TDRD6: variants seen among roughly 807,000 people sequenced by gnomAD.
TDRD6 encodes tudor domain containing 6, also known as tudor domain-containing protein 6.
Under a neutral mutation model 157.5 loss-of-function variants are expected in TDRD6, and 186 were observed. The ratio of observed to expected loss-of-function variants is 1.18; its 90% confidence interval spans 1.05 to 1.33. The LOEUF (loss-of-function observed/expected upper bound fraction) is 1.33. TDRD6 is among the 40% of genes most tolerant of loss of function. The pLI is 0.00. For synonymous variants in TDRD6, 1,075 were observed against 945.2 expected (o/e 1.14, Z -2.52); for missense variants, 3,066 against 2,508.0 (o/e 1.22, Z -4.75).
At chr6:46,700,448 T>A (rs1408850263) in intron 3 of TDRD6, among the ~76,000 whole-genome samples, 1 of 152,170 alleles carries the variant, frequency 6.6e-6, no homozygotes, top group African/African-American at 2.4e-5. Flanking sequence ...GACTTTTTTT[T>A]AATGATACAT....
intron 1 of TDRD6, among the ~76,000 whole-genome samples, chr6:46,695,262 T>C (rs2150682415): frequency 6.6e-6 from 1 of 152,262 alleles, no homozygotes; most frequent in South Asian, 2.1e-4. Context: ...TACTATATAG[T>C]TTTAAAAACA....
rs148984469 is a variant in TDRD6, at chr6:46,698,082, C to G, written c.6256C>G (p.Pro2086Ala). ...NGIPKLDKSP[P>A]EKRGLEVMEI ...CATACCCAAATTGGATAAGAGTCCA[C>G]CTGAGGTATGGAATTCTATAAATAG... The change falls in exon 3 of 4, where the codon CCT (proline) becomes GCT (alanine). Residue 2086 changes from proline (P) to alanine (A), a missense_variant. By Grantham distance (27) the Pro-to-Ala change is conservative. Transcript: ENST00000316081. 1.9e-6 allele frequency: 3 copies of G among 1,597,622 alleles called. No homozygotes were observed. In the African/African-American group the frequency reaches 4.0e-5, roughly 21 times the overall value.
chr6:46,692,854 G>C lies in TDRD6; in HGVS notation c.4726G>C (p.Val1576Leu), dbSNP rs1764378149. 1 of 1,613,922 alleles carries C rather than the reference G, an allele frequency of 6.2e-7. No homozygotes were observed. The highest frequency in any genetic ancestry group is 1.1e-5 in the South Asian group (1 of 91,084). Residue 1576 changes from valine (V) to leucine (L), a missense_variant, in exon 1 of 4, where the codon GTA becomes CTA. Physicochemically the swap from Val to Leu is conservative, Grantham distance 32 (BLOSUM62 1). Coordinates refer to ENST00000316081, the MANE Select transcript of TDRD6 (RefSeq NM_001010870.3). ...TCCTTATATTGGAGATCCTTGTATA[G>C]TAAGATACAGAGAAGATGGACATTA... is the stretch of plus-strand genomic sequence containing the variant. ...PCPYIGDPCI[V>L]RYREDGHYYR...
In TDRD6 at chr6:46,691,954, C is replaced by CT; in HGVS notation, c.3829dup (p.Ser1277PhefsTer10). ...GAAAACAGCAAGAGTAGAAGCTACT[C>CT]TTTCAGAGAGAAAAATAGGAGATTC... is the stretch of plus-strand genomic sequence containing the variant. On this transcript the variant is annotated frameshift_variant, in exon 1 of 4. Coordinates refer to ENST00000316081, the MANE Select transcript of TDRD6 (RefSeq NM_001010870.3). LOFTEE classifies it high-confidence loss of function. 1 of 1,613,104 alleles carries CT rather than the reference C, an allele frequency of 6.2e-7. No homozygotes were observed. Among genetic ancestry groups the CT allele is most frequent in the Non-Finnish European group, 8.5e-7 (1 of 1,179,782 alleles).
chr6:46,691,995 G>A lies in TDRD6; in HGVS notation c.3867G>A (p.Leu1289=). 1 of 1,613,888 alleles carries A rather than the reference G, an allele frequency of 6.2e-7. No individual in the cohort carries two copies. The highest frequency in any genetic ancestry group is 1.1e-5 in the South Asian group (1 of 91,044). The change falls in exon 1 of 4, where the codon TTG becomes TTA. Residue 1289 remains leucine, a synonymous_variant. Transcript: ENST00000316081. ...TAGGAGATTCATGTGACAAAGATTT[G>A]CCTCTGAAATTTTGTGAGTTCCCAC... ...RKIGDSCDKD[L]PLKFCEFPQK... is the part of the protein sequence containing the mutation.
chr6:46,682,864 T>TA, the TDRD6 span, among the ~76,000 whole-genome samples: 1 of 151,916 alleles, frequency 6.6e-6, no homozygotes, highest in African/African-American at 2.4e-5. Context: ...GTCCATGGAT[T>TA]AAAAGACTCA....
At chr6:46,681,283 T>G in the TDRD6 span, among the ~76,000 whole-genome samples, 1 of 152,208 alleles carries the variant, frequency 6.6e-6, no homozygotes, top group Non-Finnish European at 1.5e-5. Flanking sequence ...GTCATAATTT[T>G]AAGGATCATC....
the TDRD6 span, among the ~76,000 whole-genome samples, chr6:46,681,306 A>G: frequency 6.6e-6 from 1 of 152,190 alleles, no homozygotes; most frequent in South Asian, 2.1e-4. Flanking sequence ...CATCTGTTTA[A>G]TAGCTATTCC....
At position 46,688,111 on chromosome 6, in the gene TDRD6, C is replaced by A; in HGVS notation, c.-18C>A. ...GGCCCTTAATTTCCGGAAGTGGGGG[C>A]CGCGCCGCGCCGTCAAGATGTGCTC... On this transcript the variant is annotated 5_prime_UTR_variant, in exon 1 of 4. Transcript: ENST00000316081. The A allele has an allele frequency of 1.4e-6, 2 of 1,474,390 alleles. No homozygotes were observed. The highest frequency in any genetic ancestry group is 1.5e-5 in the African/African-American group (1 of 67,778). The allele number at this position is 1,474,390 out of a possible 1,614,324, so 91.3% of individuals were successfully genotyped here.
chr6:46,689,012 A>T lies in TDRD6; in HGVS notation c.884A>T (p.Asp295Val), dbSNP rs375856556. 40 of 1,613,574 alleles carry T rather than the reference A, an allele frequency of 2.5e-5. No individual in the cohort carries two copies. Among genetic ancestry groups the T allele is most frequent in the Non-Finnish European group, 3.4e-5 (40 of 1,179,796 alleles). The stretch of plus-strand genomic sequence containing the variant: ...TACCGGGGTTCCACGGGGACAGGGG[A>T]TGAGAACTCTACCAGTGCCACCTGG... ...QVYRGSTGTG[D>V]ENSTSATWEE... The change falls in exon 1 of 4, where the codon GAT becomes GTT. Residue 295 changes from aspartate to valine, a missense_variant. Coordinates refer to ENST00000316081, the MANE Select transcript of TDRD6 (RefSeq NM_001010870.3).
Position 46,703,719 on chromosome 6 carries a change from T to C in TDRD6, c.*1832T>C, listed in dbSNP as rs1195391798. The C allele has an allele frequency of 6.6e-6, 1 of 152,070 alleles. No individual in the cohort carries two copies. The allele number at this position is 152,070 out of a possible 1,614,324, so 9.4% of individuals were successfully genotyped here. ...TTCTGTTTTACTACTACATATAGAA[T>C]TGAAAACATTAAATAAAATTAACTG... is the stretch of plus-strand genomic sequence containing the variant. On this transcript the variant is annotated 3_prime_UTR_variant, in exon 4 of 4. Coordinates refer to ENST00000316081, the MANE Select transcript of TDRD6 (RefSeq NM_001010870.3).
rs1405009082 is a variant in TDRD6 at position 46,689,580 on chromosome 6, GATGA to G, written c.1456_1459del (p.Asn486ProfsTer7). 1 of 1,614,066 alleles carries G rather than the reference GATGA, an allele frequency of 6.2e-7. No individual in the cohort carries two copies. ...CAGCCTTAAGATCTATCAGGTTAAAGATGAATGCCTTCTACGATGCGCAGGTAGA... is the reference window on the plus strand; with the variant it reads ...CAGCCTTAAGATCTATCAGGTTAAAGATGCCTTCTACGATGCGCAGGTAGA... On this transcript the variant is annotated frameshift_variant, in exon 1 of 4. Transcript: ENST00000316081. LOFTEE classifies it high-confidence loss of function.
intron 2 of TDRD6, among the ~76,000 whole-genome samples, chr6:46,696,768 C>T (rs953260178): frequency 6.7e-6 from 1 of 149,748 alleles, no homozygotes; most frequent in Non-Finnish European, 1.5e-5. Flanking sequence ...CCCACCACGA[C>T]GCCCAGCTAA....
At chr6:46,700,920 C>A in intron 3 of TDRD6, 1 of 347,318 alleles carries the variant, frequency 2.9e-6, no homozygotes, top group Non-Finnish European at 6.0e-6. Context: ...TCTGGCTTAT[C>A]TGTGGTTCCA....
rs1438619203 is a variant in TDRD6 at position 46,694,050 on chromosome 6, ATG to A, written c.5925_5926del (p.Cys1975Ter). 1 of 1,614,000 alleles carries A rather than the reference ATG, an allele frequency of 6.2e-7. No homozygotes were observed. The highest frequency in any genetic ancestry group is 8.5e-7 in the Non-Finnish European group (1 of 1,179,980). On this transcript the variant is annotated frameshift_variant, in exon 1 of 4. Transcript: ENST00000316081. LOFTEE classifies it high-confidence loss of function. ...DPKTQNEMNICEEEFVEYKNR... is the reference protein window; with the variant it reads ...DPKTQNEMNIXEEEFVEYKNR... ...CTAAAACACAGAATGAAATGAATAT[ATG>A]TGAAGAAGAATTTGTAGAGTATAAA...
chr6:46,684,002 G>A (rs1457523113), upstream of TDRD6, among the ~76,000 whole-genome samples: 1 of 152,008 alleles, frequency 6.6e-6, no homozygotes, highest in South Asian at 2.1e-4. Flanking sequence ...GGTGTATGCC[G>A]TTATATCCAT....
rs139287058 is a variant in TDRD6 at position 46,689,297 on chromosome 6, G to C, written c.1169G>C (p.Arg390Pro). 1.2e-5 allele frequency: 19 copies of C among 1,614,116 alleles called. No individual in the cohort carries two copies. The highest frequency in any genetic ancestry group is 1.6e-5 in the Non-Finnish European group (19 of 1,180,012). The change falls in exon 1 of 4, where the codon CGG (arginine) becomes CCG (proline). Residue 390 changes from arginine to proline, a missense_variant. Transcript: ENST00000316081. Reference protein sequence around the residue: ...GLWDGGRGWSRSQVGDLKTLI... With the variant: ...GLWDGGRGWSPSQVGDLKTLI... ...TGGGACGGTGGGAGAGGCTGGTCTC[G>C]GTCACAGGTCGGTGACCTGAAGACA...
In TDRD6 at chr6:46,693,254, A is replaced by G. The variant is rs768878674; in HGVS notation, c.5126A>G (p.Tyr1709Cys). ...ACTGGTATTAAAAGTGCTCTTCCCTATGAAAATATTGACTCAGAGATAAAG... is the reference window on the plus strand; with the variant it reads ...ACTGGTATTAAAAGTGCTCTTCCCTGTGAAAATATTGACTCAGAGATAAAG... Reference protein sequence around the residue: ...SKTGIKSALPYENIDSEIKQT... With the variant: ...SKTGIKSALPCENIDSEIKQT... The change falls in exon 1 of 4, where the codon TAT becomes TGT. Residue 1709 changes from tyrosine to cysteine, a missense_variant. Coordinates refer to ENST00000316081, the MANE Select transcript of TDRD6 (RefSeq NM_001010870.3). 9 of 1,613,562 alleles carry G rather than the reference A, an allele frequency of 5.6e-6. No homozygotes were observed. In the African/African-American group the frequency reaches 6.7e-5, roughly 12 times the overall value.
chr6:46,688,572 G>C lies in TDRD6; in HGVS notation c.444G>C (p.Gln148His). ...GCGCGGGCTCAGGCGAGCCGCCGCA[G>C]CACTGGCCCGCCGACGCCGTGGACT... is the stretch of plus-strand genomic sequence containing the variant. ...GCGAGSGEPPQHWPADAVDFL... is the reference protein window; with the variant it reads ...GCGAGSGEPPHHWPADAVDFL... Residue 148 changes from glutamine to histidine, a missense_variant, in exon 1 of 4, where the codon CAG becomes CAC. Coordinates refer to ENST00000316081, the MANE Select transcript of TDRD6 (RefSeq NM_001010870.3). 6.3e-7 allele frequency: 1 copy of C among 1,595,398 alleles called. No individual in the cohort carries two copies. Among genetic ancestry groups the C allele is most frequent in the Non-Finnish European group, 8.5e-7 (1 of 1,177,708 alleles).
Sources: gnomAD v4.1 joint callset for allele counts (sites outside exome capture counted in the v4.1 genomes callset) on GRCh38, gnomAD v4.1.1 for gene constraint, MANE v1.5 for transcripts, NCBI Gene and HGNC (gene_info 2026-07-23, HGNC 2026-07-21) for gene names.